The following SNTG2 variants were observed in gnomAD, a reference collection of about 807,000 sequenced individuals.
SNTG2 encodes the protein gamma-2-syntrophin.
SNTG2 carries 74 observed loss-of-function variants against 70.9 expected under a neutral mutation model. The observed-to-expected ratio is 1.04, with a 90% CI of 0.86 to 1.27. SNTG2 has a LOEUF of 1.27. SNTG2 is among the 50% of genes most tolerant of loss of function. The pLI is 0.00. For missense variants in SNTG2, 717 were observed against 690.7 expected (o/e 1.04, Z -0.43); for synonymous variants, 278 against 273.8 (o/e 1.02, Z -0.15).
chr2:1,286,345 G>A (rs1239575044), intron 14 of SNTG2, among the ~76,000 whole-genome samples: 2 of 152,174 alleles, frequency 1.3e-5, no homozygotes, highest in Non-Finnish European at 2.9e-5. Flanking sequence ...TGGTCTTCTG[G>A]AGAACTTTGC....
At chr2:1,338,781 C>G (rs1000106436) in intron 16 of SNTG2, among the ~76,000 whole-genome samples, 1 of 152,156 alleles carries the variant, frequency 6.6e-6, no homozygotes, top group African/African-American at 2.4e-5. Flanking sequence ...GATGAGCACT[C>G]TGGGTTATTT....
chr2:1,292,993 A>C (rs1056467240), intron 14 of SNTG2, among the ~76,000 whole-genome samples: 1 of 152,132 alleles, frequency 6.6e-6, no homozygotes, highest in Non-Finnish European at 1.5e-5. Flanking sequence ...TCTTTGCTTT[A>C]AGGTTTTTGA....
intron 1 of SNTG2, among the ~76,000 whole-genome samples, chr2:1,052,438 G>A (rs1002168050): frequency 1.3e-4 from 20 of 152,048 alleles, no homozygotes; most frequent in Middle Eastern, 6.3e-3. Context: ...TCATATCTGC[G>A]GGACTCATAG....
At chr2:1,340,345 C>T (rs1660024028) in intron 16 of SNTG2, among the ~76,000 whole-genome samples, 1 of 152,200 alleles carries the variant, frequency 6.6e-6, no homozygotes, top group African/African-American at 2.4e-5. Context: ...CATCACCCAA[C>T]AGCCCGATTA....
chr2:1,319,332 A>T (rs1681422112), intron 16 of SNTG2, among the ~76,000 whole-genome samples: 1 of 152,240 alleles, frequency 6.6e-6, no homozygotes, highest in African/African-American at 2.4e-5. Flanking sequence ...CTTGTAGTTT[A>T]AACAATTTGT....
At chr2:1,168,780 C>A (rs1438886818) in intron 7 of SNTG2, among the ~76,000 whole-genome samples, 4 of 152,112 alleles carry the variant, frequency 2.6e-5, no homozygotes, top group Admixed American at 2.6e-4. Context: ...CTAGAAGGAG[C>A]CACGGGAGCA....
chr2:1,137,803 A>AG lies in SNTG2; in HGVS notation c.406dup (p.Glu136GlyfsTer12). 3 of 1,611,228 alleles carry AG rather than the reference A, an allele frequency of 1.9e-6. No homozygotes were observed. The highest frequency in any genetic ancestry group is 2.5e-6 in the Non-Finnish European group (3 of 1,178,030). On this transcript the variant is annotated frameshift_variant, in exon 6 of 17. Transcript: ENST00000308624. LOFTEE classifies it high-confidence loss of function. ...TACATGTAGAAAATGCAACTCATGA[A>AG]GAAGTGGTAAGTGAATTACATTTTA...
chr2:1,001,320 G>A (rs977210223), intron 1 of SNTG2, among the ~76,000 whole-genome samples: 14 of 152,046 alleles, frequency 9.2e-5, no homozygotes, highest in African/African-American at 3.4e-4. Flanking sequence ...AAAAGAGGAT[G>A]TCAAATTATC....
intron 9 of SNTG2, among the ~76,000 whole-genome samples, chr2:1,222,047 G>C (rs1485391815): frequency 0.021 from 125 of 5,944 alleles, 11 homozygotes; most frequent in Admixed American, 0.028. Flanking sequence ...GTCTCTCTCT[G>C]TCTCTCTCTG....
intron 14 of SNTG2, among the ~76,000 whole-genome samples, chr2:1,278,921 C>CGCGAATCACCCCTGTCAGTGT (rs1558625877): frequency 7.3e-6 from 1 of 137,506 alleles, no homozygotes; most frequent in African/African-American, 2.6e-5. Context: ...CCCCCCGGGA[C>CGCGAATCACCCCTGTCAGTGT]GCGAATCACC....
chr2:1,213,491 A>C (rs558211754), intron 9 of SNTG2, among the ~76,000 whole-genome samples: 46 of 152,370 alleles, frequency 3.0e-4, no homozygotes, highest in African/African-American at 1.1e-3. Flanking sequence ...GCATACATTT[A>C]AGAAAGATTA....
intron 4 of SNTG2, among the ~76,000 whole-genome samples, chr2:1,106,596 G>A (rs1282858863): frequency 1.0e-4 from 11 of 110,200 alleles, no homozygotes; most frequent in Admixed American, 2.8e-4. Flanking sequence ...CAGTGGACAC[G>A]TGCTGTCACT....
chr2:1,136,337 G>C (rs1668383606), intron 4 of SNTG2, among the ~76,000 whole-genome samples: 1 of 151,696 alleles, frequency 6.6e-6, no homozygotes, highest in African/African-American at 2.4e-5. Flanking sequence ...CACAGAGACA[G>C]TGAGAGACAC....
At chr2:1,142,929 A>G (rs1213260582) in intron 6 of SNTG2, among the ~76,000 whole-genome samples, 1 of 152,218 alleles carries the variant, frequency 6.6e-6, no homozygotes, top group Non-Finnish European at 1.5e-5. Flanking sequence ...CTTTTCTGAA[A>G]TTAGGCTTCA....
chr2:1,168,389 A>G (rs941741849), intron 7 of SNTG2, among the ~76,000 whole-genome samples: 1 of 152,232 alleles, frequency 6.6e-6, no homozygotes, highest in Admixed American at 6.5e-5. Context: ...GGAGCTGGAA[A>G]CATCCACCCC....
At chr2:1,257,108 C>T (rs1678164217) in intron 12 of SNTG2, among the ~76,000 whole-genome samples, 1 of 152,062 alleles carries the variant, frequency 6.6e-6, no homozygotes, top group Admixed American at 6.6e-5. Flanking sequence ...TTGTCACAGC[C>T]AGGAGCTAGT....
chr2:1,244,463 G>A (rs1677272875), intron 11 of SNTG2, among the ~76,000 whole-genome samples: 1 of 152,074 alleles, frequency 6.6e-6, no homozygotes. Flanking sequence ...TTGGGAGGCC[G>A]AGGCTGGCGG....
chr2:982,874 A>G (rs61001388), intron 1 of SNTG2, among the ~76,000 whole-genome samples: 2,751 of 152,188 alleles, frequency 0.018, 84 homozygotes, highest in African/African-American at 0.064. Flanking sequence ...ACTGTGAGAC[A>G]CTAAAACCCC....
intron 12 of SNTG2, among the ~76,000 whole-genome samples, chr2:1,257,008 A>C (rs1357007167): frequency 6.7e-6 from 1 of 150,260 alleles, no homozygotes; most frequent in African/African-American, 2.5e-5. Context: ...ACGATTTTAG[A>C]TTTACAGAAA....
Sources: allele counts gnomAD v4.1 joint callset (sites outside exome capture counted in the v4.1 genomes callset), GRCh38; gene constraint gnomAD v4.1.1; transcripts MANE v1.5; gene names NCBI Gene and HGNC (gene_info 2026-07-23, HGNC 2026-07-21).